ORAI2: variants seen among roughly 807,000 people sequenced by gnomAD.
The protein encoded by ORAI2 is ORAI calcium release-activated calcium modulator 2, also known as protein orai-2.
A neutral mutation model predicts 16.2 loss-of-function variants in ORAI2; 10 were observed. The observed-to-expected ratio is 0.62, with a 90% CI of 0.38 to 1.04. ORAI2 has a LOEUF of 1.04. Ranked by LOEUF, ORAI2 falls within the 50% of genes least tolerant of loss-of-function variation. ORAI2 has a pLI of 0.01. For missense variants in ORAI2, 238 were observed against 355.5 expected (o/e 0.67, Z 2.66); for synonymous variants, 150 against 157.5 (o/e 0.95, Z 0.35).
chr7:102,433,966 C>G lies in ORAI2; in HGVS notation c.-123+305C>G, dbSNP rs2133217533. Among the ~76,000 whole-genome samples, 1 of 152,102 alleles carries G rather than the reference C, an allele frequency of 6.6e-6. No individual in the cohort carries two copies. Among genetic ancestry groups the G allele is most frequent in the South Asian group, 2.1e-4 (1 of 4,814 alleles). On this transcript the variant is annotated intron_variant, in intron 1 of 3. Coordinates refer to ENST00000495936, the MANE Select transcript of ORAI2 (RefSeq NM_001126340.3). The surrounding 1 kb of genome is among the most constrained non-coding windows in gnomAD (Gnocchi z 4.6). ...AGTGCGCCTGCTGGAGAGAGACACT[C>G]GCCATTGCCGGTGCCCCAGATGCTT...
In ORAI2 at chr7:102,447,762, C is replaced by T. The variant is rs1797408605; in HGVS notation, c.*710C>T. Reference sequence around the variant, plus strand: ...ATGTTCACGGGCATCTATCAGATGCCCCCTTGAGGAGGCTGAGTTATTTGA... The same window carrying T: ...ATGTTCACGGGCATCTATCAGATGCTCCCTTGAGGAGGCTGAGTTATTTGA... On this transcript the variant is annotated 3_prime_UTR_variant, in exon 4 of 4. Coordinates refer to ENST00000495936, the MANE Select transcript of ORAI2 (RefSeq NM_001126340.3). 1.3e-5 allele frequency: 2 copies of T among 152,300 alleles called. No homozygotes were observed. The highest frequency in any genetic ancestry group is 3.9e-4 in the East Asian group (2 of 5,190). The allele number at this position is 152,300 out of a possible 1,614,324, so 9.4% of individuals were successfully genotyped here.
chr7:102,442,905 A>G (rs1797243492), intron 3 of ORAI2, among the ~76,000 whole-genome samples: 1 of 150,850 alleles, frequency 6.6e-6, no homozygotes, highest in Non-Finnish European at 1.5e-5. Context: ...CTGTAGTCCC[A>G]GCTATTGGGG....
In ORAI2 at chr7:102,454,122, C is replaced by T. The variant is rs1301869068; in HGVS notation, c.*7070C>T. ...CGAAACCCATGTAGAACCTGCCAAC[C>T]TGTAGCTCACACCTATAATCCCAGC... On this transcript the variant is annotated 3_prime_UTR_variant, in exon 4 of 4. Transcript: ENST00000495936. The T allele has an allele frequency of 6.6e-6, 1 of 152,390 alleles. No homozygotes were observed. The highest frequency in any genetic ancestry group is 2.4e-5 in the African/African-American group (1 of 41,460). The allele number at this position is 152,390 out of a possible 1,614,324, so 9.4% of individuals were successfully genotyped here.
chr7:102,447,128 T>C lies in ORAI2; in HGVS notation c.*76T>C. On this transcript the variant is annotated 3_prime_UTR_variant, in exon 4 of 4. Transcript: ENST00000495936. ...GGCGGGGATTTGTCAGATGCAGACA[T>C]TTTGCAAGGCTGCCGGGTAGTTCAA... 7.0e-7 allele frequency: 1 copy of C among 1,423,318 alleles called. No homozygotes were observed. The highest frequency in any genetic ancestry group is 1.5e-5 in the South Asian group (1 of 68,254). The allele number at this position is 1,423,318 out of a possible 1,614,324, so 88.2% of individuals were successfully genotyped here.
At chr7:102,440,006 T>C (rs1797153670) in intron 3 of ORAI2, among the ~76,000 whole-genome samples, 1 of 152,092 alleles carries the variant, frequency 6.6e-6, no homozygotes, top group Non-Finnish European at 1.5e-5. Flanking sequence ...CGCTTGAACC[T>C]GGGAGGCCGG....
intron 3 of ORAI2, among the ~76,000 whole-genome samples, chr7:102,445,631 A>G (rs985086777): frequency 5.9e-5 from 9 of 151,642 alleles, no homozygotes; most frequent in Non-Finnish European, 1.0e-4. Flanking sequence ...TGTATTTTTT[A>G]TAGAGACAGG....
intron 2 of ORAI2, among the ~76,000 whole-genome samples, chr7:102,437,596 C>T (rs1435280306): frequency 6.6e-6 from 1 of 152,156 alleles, no homozygotes; most frequent in Non-Finnish European, 1.5e-5. Flanking sequence ...GCCTGGGTGA[C>T]AGAGCGAGAC....
Position 102,439,071 on chromosome 7 carries a change from A to G in ORAI2, c.115A>G (p.Thr39Ala), listed in dbSNP as rs1489389741. The G allele has an allele frequency of 1.2e-6, 2 of 1,613,864 alleles. No homozygotes were observed. Among genetic ancestry groups the G allele is most frequent in the South Asian group, 1.1e-5 (1 of 91,086 alleles). The part of the protein sequence containing the change: ...WVRRSYLELV[T>A]SNHHSVQALS... ...CCGCCGCAGCTACCTGGAACTGGTC[A>G]CCTCTAACCACCACTCGGTACAGGC... is the stretch of plus-strand genomic sequence containing the variant. The change falls in exon 3 of 4, where the codon ACC (threonine) becomes GCC (alanine). Residue 39 changes from threonine (T) to alanine (A), a missense_variant. Coordinates refer to ENST00000495936, the MANE Select transcript of ORAI2 (RefSeq NM_001126340.3).
chr7:102,441,223 A>G (rs987824140), intron 3 of ORAI2, among the ~76,000 whole-genome samples: 8 of 150,180 alleles, frequency 5.3e-5, no homozygotes, highest in Admixed American at 4.0e-4. Context: ...CGGAGCCTCA[A>G]TTGTTAGATT....
At chr7:102,446,370 G>A in intron 3 of ORAI2, 143 bp from the exon 4 acceptor site, 1 of 748,012 alleles carries the variant, frequency 1.3e-6, no homozygotes, top group South Asian at 1.9e-5. Flanking sequence ...CCCAGAACAT[G>A]GGTGAGTCCT....
chr7:102,443,582 A>G (rs1397648264), intron 3 of ORAI2, among the ~76,000 whole-genome samples: 3 of 152,086 alleles, frequency 2.0e-5, no homozygotes, highest in Non-Finnish European at 4.4e-5. Flanking sequence ...ACCCAGGGCC[A>G]CACTGAGAAA....
In ORAI2 at chr7:102,439,026, A is replaced by G. The variant is rs764959778; in HGVS notation, c.70A>G (p.Met24Val). The change falls in exon 3 of 4, where the codon ATG becomes GTG. Residue 24 changes from methionine to valine, a missense_variant. This residue lies in a region of ORAI2 where 61 missense variants were observed against 72.7 expected (regional missense o/e 0.84). Coordinates refer to ENST00000495936, the MANE Select transcript of ORAI2 (RefSeq NM_001126340.3). ...PACPEPGHKGMDYRDWVRRSY... is the reference protein window; with the variant it reads ...PACPEPGHKGVDYRDWVRRSY... The stretch of plus-strand genomic sequence containing the variant: ...CTGCCCTGAGCCCGGCCATAAGGGC[A>G]TGGATTACCGGGACTGGGTCCGCCG... The G allele has an allele frequency of 1.2e-6, 2 of 1,613,868 alleles. No individual in the cohort carries two copies. The highest frequency in any genetic ancestry group is 2.7e-5 in the African/African-American group (2 of 74,896).
In ORAI2 at chr7:102,449,090, C is replaced by T. The variant is rs998555034; in HGVS notation, c.*2038C>T. 6.6e-6 allele frequency: 1 copy of T among 152,092 alleles called. No homozygotes were observed. Among genetic ancestry groups the T allele is most frequent in the African/African-American group, 2.4e-5 (1 of 41,398 alleles). 9.4% of individuals were successfully genotyped at this position (152,092 alleles called of 1,614,324 possible). On this transcript the variant is annotated 3_prime_UTR_variant, in exon 4 of 4. Transcript: ENST00000495936. ...CCCTAGGGGAGTCACACCAAGGGTC[C>T]CCACGAGAAAGTTGTGGCATCCCCG...
rs1173671589 is a variant in ORAI2 at position 102,451,569 on chromosome 7, A to G, written c.*4517A>G. The G allele has an allele frequency of 6.6e-6, 1 of 152,260 alleles. No individual in the cohort carries two copies. Among genetic ancestry groups the G allele is most frequent in the Non-Finnish European group, 1.5e-5 (1 of 68,096 alleles). 9.4% of individuals were successfully genotyped at this position (152,260 alleles called of 1,614,324 possible). On this transcript the variant is annotated 3_prime_UTR_variant, in exon 4 of 4. Transcript: ENST00000495936. ...CACTGTCCTGTGTGCGGGTTTTTAAAACAGCTGCCCTGGATGAAACGGAAT... is the reference window on the plus strand; with the variant it reads ...CACTGTCCTGTGTGCGGGTTTTTAAGACAGCTGCCCTGGATGAAACGGAAT...
At chr7:102,443,117 T>G (rs1279550214) in intron 3 of ORAI2, among the ~76,000 whole-genome samples, 2 of 89,342 alleles carry the variant, frequency 2.2e-5, no homozygotes, top group Non-Finnish European at 5.1e-5. Flanking sequence ...CTTCTTCTTC[T>G]TCTTCTTCTT....
intron 1 of ORAI2, among the ~76,000 whole-genome samples, chr7:102,435,688 G>A (rs1011093576): frequency 1.3e-4 from 19 of 151,542 alleles, no homozygotes; most frequent in African/African-American, 4.6e-4. Context: ...AGGCTGGAGT[G>A]CCGCGGTAGG....
chr7:102,439,051 G>T lies in ORAI2; in HGVS notation c.95G>T (p.Arg32Leu). The T allele has an allele frequency of 6.2e-7, 1 of 1,614,020 alleles. No homozygotes were observed. Among genetic ancestry groups the T allele is most frequent in the Non-Finnish European group, 8.5e-7 (1 of 1,180,032 alleles). The change falls in exon 3 of 4, where the codon CGC (arginine) becomes CTC (leucine). Residue 32 changes from arginine to leucine, a missense_variant. Arg to Leu is a moderately radical substitution (Grantham distance 102). This residue lies in a region of ORAI2 where 61 missense variants were observed against 72.7 expected (regional missense o/e 0.84). Transcript: ENST00000495936. ...ATGGATTACCGGGACTGGGTCCGCC[G>T]CAGCTACCTGGAACTGGTCACCTCT... ...KGMDYRDWVR[R>L]SYLELVTSNH...
At chr7:102,445,493 G>A (rs575705004) in intron 3 of ORAI2, among the ~76,000 whole-genome samples, 5 of 151,800 alleles carry the variant, frequency 3.3e-5, no homozygotes, top group Middle Eastern at 3.4e-3. Flanking sequence ...TCTGTCACCC[G>A]GGCTGAAGTG....
At chr7:102,438,885 T>C (rs980104001) in intron 2 of ORAI2, 59 bp from the exon 3 acceptor site, 1 of 1,526,486 alleles carries the variant, frequency 6.6e-7, no homozygotes, top group African/African-American at 1.4e-5. Context: ...GCTTGGAGTC[T>C]AGCTCTTCCA....
Sources: allele counts gnomAD v4.1 joint callset (sites outside exome capture counted in the v4.1 genomes callset), GRCh38; gene constraint gnomAD v4.1.1; regional missense constraint gnomAD v4.1.1; non-coding constraint Gnocchi (gnomAD v3.1); transcripts MANE v1.5; gene names NCBI Gene and HGNC (gene_info 2026-07-23, HGNC 2026-07-21).